The following RIC1 variants were observed in gnomAD, a reference collection of about 807,000 sequenced individuals.
RIC1 encodes the protein RIC1 partner of RAB6A GEF complex.
A neutral mutation model predicts 169.0 loss-of-function variants in RIC1; 88 were observed. The ratio of observed to expected loss-of-function variants is 0.52; its 90% CI spans 0.44 to 0.62. The LOEUF (loss-of-function observed/expected upper bound fraction) is 0.62, where lower values mean the gene tolerates loss of function less well. Ranked by LOEUF, RIC1 falls within the 20% of genes least tolerant of loss-of-function variation. The probability of loss-of-function intolerance (pLI) is 0.00; values close to 1 mark genes in which losing one functional copy is unlikely to be tolerated. For missense variants in RIC1, 1,877 were observed against 1,725.5 expected, an observed-to-expected ratio of 1.09 and a Z score of -1.56; for synonymous variants, 790 against 601.5, an observed-to-expected ratio of 1.31 and a Z score of -4.59.
chr9:5,754,452 C>G (rs987879408), intron 14 of RIC1, among the ~76,000 whole-genome samples: 1 of 151,840 alleles, frequency 6.6e-6, no homozygotes, highest in African/African-American at 2.4e-5. Flanking sequence ...TTTGGCTGGG[C>G]GTGTGGTGGC....
intron 2 of RIC1, among the ~76,000 whole-genome samples, chr9:5,681,139 G>GT (rs556609784): frequency 6.6e-4 from 100 of 151,870 alleles, no homozygotes; most frequent in Non-Finnish European, 1.1e-3. Context: ...TTTTTTTAAG[G>GT]TTTTTTTGTG....
rs956380536 is a variant in RIC1, at chr9:5,685,313, C to T, written c.253-4646C>T. Among the ~76,000 whole-genome samples, 333 of 151,124 alleles carry T rather than the reference C, an allele frequency of 2.2e-3. 1 individual carries two copies. Among genetic ancestry groups the T allele is most frequent in the African/African-American group, 7.0e-3 (289 of 41,130 alleles). ...TATGGAACCAAAAAAGAGCCCGCAT[C>T]GCCAAGTCAATCCTAAGCCAAAAGA... is the stretch of plus-strand genomic sequence containing the variant. On this transcript the variant is annotated intron_variant, in intron 2 of 25. Transcript: ENST00000414202.
rs115883403 is a variant in RIC1, at chr9:5,740,206, G to A, written c.901+1668G>A. 8.8e-3 allele frequency among the ~76,000 whole-genome samples: 1,343 copies of A among 152,246 alleles called. 20 individuals carry two copies. The highest frequency in any genetic ancestry group is 0.03 in the African/African-American group (1,247 of 41,546). Reference sequence around the variant, plus strand: ...TCACTAAACTCCTTGCGTCTCACAAGCAATGAATCAGGAGTGCCAAATGCA... The same window carrying A: ...TCACTAAACTCCTTGCGTCTCACAAACAATGAATCAGGAGTGCCAAATGCA... On this transcript the variant is annotated intron_variant, in intron 8 of 25. Transcript: ENST00000414202.
rs1250376360 is a variant in RIC1 at position 5,769,141 on chromosome 9, G to A, written c.3309G>A (p.Arg1103=). The change falls in exon 22 of 26, where the codon CGG becomes CGA. Residue 1103 remains arginine (R), a synonymous_variant. Coordinates refer to ENST00000414202, the MANE Select transcript of RIC1 (RefSeq NM_020829.4). ...WLCKERTRAA[R]VDNFVIALKR... is the part of the protein sequence containing the mutation. ...GCAAGGAACGTACCCGAGCCGCCCG[G>A]GTAGACAACTTTGTAATAGCCCTGA... is the stretch of plus-strand genomic sequence containing the variant. 6.2e-7 allele frequency: 1 copy of A among 1,614,074 alleles called. No individual in the cohort carries two copies. The highest frequency in any genetic ancestry group is 1.1e-5 in the South Asian group (1 of 91,078).
chr9:5,654,362 A>G (rs995888519), intron 1 of RIC1, among the ~76,000 whole-genome samples: 10 of 151,680 alleles, frequency 6.6e-5, no homozygotes, highest in African/African-American at 2.4e-4. Flanking sequence ...TTCTCCTGCC[A>G]CATTCTCCCG....
chr9:5,690,514 G>A (rs1046571514), intron 3 of RIC1, among the ~76,000 whole-genome samples: 1 of 150,848 alleles, frequency 6.6e-6, no homozygotes, highest in Non-Finnish European at 1.5e-5. Context: ...TTTCCTTATA[G>A]CAGGCCTTAA....
rs1827457588 is a variant in RIC1 at position 5,774,334 on chromosome 9, A to C, written c.*88A>C. On this transcript the variant is annotated 3_prime_UTR_variant, in exon 26 of 26. Coordinates refer to ENST00000414202, the MANE Select transcript of RIC1 (RefSeq NM_020829.4). ...TAACATAGTTGGATGATTTAACAGG[A>C]GAACTCAGTTCAGAGACTCTTCGGT... The C allele has an allele frequency of 1.7e-6, 2 of 1,172,238 alleles. No individual in the cohort carries two copies. The highest frequency in any genetic ancestry group is 2.4e-6 in the Non-Finnish European group (2 of 838,822). The allele number at this position is 1,172,238 out of a possible 1,614,324, so 72.6% of individuals were successfully genotyped here.
chr9:5,747,255 T>A (rs1825432241), intron 11 of RIC1, 47 bp from the exon 12 acceptor site: 4 of 1,474,802 alleles, frequency 2.7e-6, no homozygotes, highest in African/African-American at 1.4e-5. Context: ...GAGTTGTTTT[T>A]ATTTGTTTTC....
chr9:5,642,164 A>T (rs1371366103), intron 1 of RIC1, among the ~76,000 whole-genome samples: 1 of 145,256 alleles, frequency 6.9e-6, no homozygotes, highest in Non-Finnish European at 1.5e-5. Context: ...GTGGTCTTGG[A>T]TAAAATCTGG....
chr9:5,715,782 T>TTCCCCTCCCCTCCCTTCCCC (rs1210974767), intron 4 of RIC1, among the ~76,000 whole-genome samples: 1 of 151,526 alleles, frequency 6.6e-6, no homozygotes, highest in Non-Finnish European at 1.5e-5. Context: ...TAATGAGAGT[T>TTCCCCTCCCCTCCCTTCCCC]TCCCCTCCCC....
chr9:5,643,669 A>G (rs1818361748), intron 1 of RIC1, among the ~76,000 whole-genome samples: 1 of 152,248 alleles, frequency 6.6e-6, no homozygotes. Flanking sequence ...AGGAGTTGAA[A>G]AAAGATTTTT....
rs753921141 is a variant in RIC1, at chr9:5,754,919, C to A, written c.1681C>A (p.Arg561Ser). 2 of 1,531,900 alleles carry A rather than the reference C, an allele frequency of 1.3e-6. No homozygotes were observed. The highest frequency in any genetic ancestry group is 1.8e-6 in the Non-Finnish European group (2 of 1,127,830). 94.9% of individuals were successfully genotyped at this position (1,531,900 alleles called of 1,614,324 possible). The change falls in exon 15 of 26, where the codon CGT becomes AGT. Residue 561 changes from arginine (R) to serine (S), a missense_variant. Transcript: ENST00000414202. ...CCTTGCGTGTTATAACATAAATGACCGTCAAGAAGAGGTAAGTTTTTTCTC... is the reference window on the plus strand; with the variant it reads ...CCTTGCGTGTTATAACATAAATGACAGTCAAGAAGAGGTAAGTTTTTTCTC... ...MVLACYNIND[R>S]QEELRVYLRT...
In RIC1 at chr9:5,765,812, G is replaced by C. The variant is rs1164455493; in HGVS notation, c.3137+14G>C. The C allele has an allele frequency of 6.2e-7, 1 of 1,613,380 alleles. No individual in the cohort carries two copies. The highest frequency in any genetic ancestry group is 8.5e-7 in the Non-Finnish European group (1 of 1,179,690). ...CTCTGGAAAAAGGTAAAATAATAAA[G>C]AGCCATTACTGCTTTTTGGGCATTC... On this transcript the variant is annotated intron_variant, in intron 21 of 25. Transcript: ENST00000414202.
intron 1 of RIC1, among the ~76,000 whole-genome samples, chr9:5,639,797 A>G (rs1342234769): frequency 1.3e-5 from 2 of 152,066 alleles, no homozygotes; most frequent in Non-Finnish European, 2.9e-5. Flanking sequence ...GTTATATTCT[A>G]TTGCTGGATT....
In RIC1 at chr9:5,754,695, C is replaced by T. The variant is rs1412513087; in HGVS notation, c.1603-146C>T. On this transcript the variant is annotated intron_variant, in intron 14 of 25. Transcript: ENST00000414202. ...GCAGGGAGCTGAGATCGAGCCACTG[C>T]ACTCCAGCATGGGTGACAGAGTGAG... The T allele has an allele frequency of 8.9e-6, 4 of 450,004 alleles. 1 individual carries two copies. The highest frequency in any genetic ancestry group is 1.5e-5 in the Non-Finnish European group (4 of 259,824). The allele number at this position is 450,004 out of a possible 1,614,324, so 27.9% of individuals were successfully genotyped here. A position where few individuals can be genotyped will look rare whatever the true frequency, so the allele number is the denominator to read the frequency against.
chr9:5,738,149 CA>C (rs1306434603), intron 7 of RIC1, among the ~76,000 whole-genome samples: 2 of 152,150 alleles, frequency 1.3e-5, no homozygotes, highest in Admixed American at 1.3e-4. Context: ...AATAAAAGTT[CA>C]TTTTTTTCCT....
At chr9:5,718,810 T>G (rs1196367929) in intron 4 of RIC1, among the ~76,000 whole-genome samples, 1 of 152,146 alleles carries the variant, frequency 6.6e-6, no homozygotes, top group Non-Finnish European at 1.5e-5. Flanking sequence ...GTTCAAGAAA[T>G]AGAGCTGGGT....
At chr9:5,714,641 A>G (rs1048547761) in intron 4 of RIC1, among the ~76,000 whole-genome samples, 1 of 152,192 alleles carries the variant, frequency 6.6e-6, no homozygotes, top group Non-Finnish European at 1.5e-5. Flanking sequence ...CATTGAGGAC[A>G]TTCTTTATGG....
intron 2 of RIC1, among the ~76,000 whole-genome samples, chr9:5,672,001 G>A (rs1315003177): frequency 6.6e-6 from 1 of 152,206 alleles, no homozygotes; most frequent in Non-Finnish European, 1.5e-5. Flanking sequence ...TCTGTTAACT[G>A]CTGCGGACTT....
Sources: gnomAD v4.1 joint callset for allele counts (sites outside exome capture counted in the v4.1 genomes callset) on GRCh38, gnomAD v4.1.1 for gene constraint, MANE v1.5 for transcripts, NCBI Gene and HGNC (gene_info 2026-07-23, HGNC 2026-07-21) for gene names.